Variants in GDI2 observed in about 807,000 individuals in gnomAD.
GDI2 encodes rab GDP dissociation inhibitor beta.
In GDI2, 22 loss-of-function variants were observed where a neutral mutation model predicts 54.2. The ratio of observed to expected loss-of-function variants is 0.41; its 90% confidence interval spans 0.29 to 0.58. The LOEUF is 0.58. Among genes scored for constraint, GDI2 ranks in the 20% least tolerant of loss-of-function variants. The pLI is 0.35. For synonymous variants in GDI2, 177 were observed against 182.1 expected (o/e 0.97, Z 0.23); for missense variants, 422 against 546.0 (o/e 0.77, Z 2.26).
Position 5,768,081 on chromosome 10 carries a change from A to AT in GDI2, c.991+131dup, listed in dbSNP as rs139873849. On this transcript the variant is annotated intron_variant, in intron 8 of 10. Coordinates refer to ENST00000380191, the MANE Select transcript of GDI2 (RefSeq NM_001494.4). This position sits in a 1 kb window ranked among gnomAD's most constrained non-coding sequence, Gnocchi z 4.4. The stretch of plus-strand genomic sequence containing the variant: ...TGCCGGAGCAGGAGGAGGTACAAAG[A>AT]TTTTTTTCCCCCATATGTAAACCAA... 242,015 of 679,098 alleles carry AT rather than the reference A, an allele frequency of 0.36. 44,143 individuals are homozygous for AT. Among genetic ancestry groups the AT allele is most frequent in the East Asian group, 0.37 (14,135 of 38,026 alleles). 42.1% of individuals were successfully genotyped at this position (679,098 alleles called of 1,614,324 possible).
intron 1 of GDI2, among the ~76,000 whole-genome samples, chr10:5,803,640 G>A (rs1482571127): frequency 6.6e-6 from 1 of 152,074 alleles, no homozygotes; most frequent in African/African-American, 2.4e-5. Flanking sequence ...CCTAAGCAAA[G>A]CATATAGGAC....
At position 5,768,168 on chromosome 10, in the gene GDI2, T is replaced by G. The variant is rs765803708; in HGVS notation, c.991+45A>C. The G allele has an allele frequency of 5.3e-6, 8 of 1,520,958 alleles. No homozygotes were observed. The African/African-American group carries it at 1.1e-4, about 21-fold the overall frequency. 94.2% of individuals were successfully genotyped at this position (1,520,958 alleles called of 1,614,324 possible). A position where few individuals can be genotyped will look rare whatever the true frequency, so the allele number is the denominator to read the frequency against. On this transcript the variant is annotated intron_variant, in intron 8 of 10. Coordinates refer to ENST00000380191, the MANE Select transcript of GDI2 (RefSeq NM_001494.4). This position sits in a 1 kb window ranked among gnomAD's most constrained non-coding sequence, Gnocchi z 4.4. ...TTGGGATAAAACACAAAGCAAATTA[T>G]ATCTTACAAAATTCTACCAACATCT...
At chr10:5,809,042 C>G (rs1201522670) in intron 1 of GDI2, among the ~76,000 whole-genome samples, 1 of 151,974 alleles carries the variant, frequency 6.6e-6, no homozygotes, top group Non-Finnish European at 1.5e-5. Context: ...GTTAGGAGTT[C>G]GAGACCAGCC....
Position 5,769,605 on chromosome 10 carries a change from T to C in GDI2, c.820-1221A>G, listed in dbSNP as rs180878825. On this transcript the variant is annotated intron_variant, in intron 7 of 10. Transcript: ENST00000380191. ...AAAAAAAAAAATCGAAGGACTTGAA[T>C]AGACATTTTTCCAAAGAAGATATGT... 7.2e-3 allele frequency among the ~76,000 whole-genome samples: 1,088 copies of C among 150,496 alleles called. 8 individuals are homozygous for C. Among genetic ancestry groups the C allele is most frequent in the African/African-American group, 0.025 (1,037 of 41,032 alleles).
chr10:5,813,119 A>G (rs1207380622), intron 1 of GDI2, 95 bp downstream of exon 1: 14 of 711,086 alleles, frequency 2.0e-5, no homozygotes, highest in Admixed American at 3.3e-5. Flanking sequence ...CGGCAGAACG[A>G]GACCCCCGAG....
chr10:5,774,003 TTC>T lies in GDI2; in HGVS notation c.720-64_720-63del, dbSNP rs767584119. 63 of 718,430 alleles carry T rather than the reference TTC, an allele frequency of 8.8e-5. No individual in the cohort carries two copies. Among genetic ancestry groups the T allele is most frequent in the Non-Finnish European group, 1.4e-4 (56 of 410,076 alleles). 44.5% of individuals were successfully genotyped at this position (718,430 alleles called of 1,614,324 possible). ...GTTGTTTCAACTCCTAAAGTCCCCT[TTC>T]TTAGATCTTAATGAGTTACAGACAA... On this transcript the variant is annotated intron_variant, in intron 6 of 10. Coordinates refer to ENST00000380191, the MANE Select transcript of GDI2 (RefSeq NM_001494.4). This position sits in a 1 kb window ranked among gnomAD's most constrained non-coding sequence, Gnocchi z 4.8.
intron 1 of GDI2, among the ~76,000 whole-genome samples, chr10:5,803,881 C>G (rs1320173500): frequency 3.9e-5 from 6 of 152,046 alleles, no homozygotes; most frequent in Admixed American, 3.9e-4. Context: ...CTTTATAAAT[C>G]TTTAATATTT....
intron 1 of GDI2, among the ~76,000 whole-genome samples, chr10:5,803,731 A>C (rs2131718582): frequency 6.6e-6 from 1 of 152,296 alleles, no homozygotes; most frequent in Middle Eastern, 3.4e-3. Context: ...TGAATACACT[A>C]AGACAAACCA....
chr10:5,765,602 G>A lies in GDI2; in HGVS notation c.*404C>T, dbSNP rs1460988580. On this transcript the variant is annotated 3_prime_UTR_variant, in exon 11 of 11. Coordinates refer to ENST00000380191, the MANE Select transcript of GDI2 (RefSeq NM_001494.4). ...CTTCCGGATGCTGTCCCAAACCGTG[G>A]AATATTCAATTTAGAATCTCCTGAA... 4 of 156,920 alleles carry A rather than the reference G, an allele frequency of 2.5e-5. No individual in the cohort carries two copies. The highest frequency in any genetic ancestry group is 9.6e-5 in the African/African-American group (4 of 41,582). 9.7% of individuals were successfully genotyped at this position (156,920 alleles called of 1,614,324 possible). A position where few individuals can be genotyped will look rare whatever the true frequency, so the allele number is the denominator to read the frequency against.
At chr10:5,767,454 CAG>C (rs1840374558) in intron 8 of GDI2, among the ~76,000 whole-genome samples, 1 of 152,128 alleles carries the variant, frequency 6.6e-6, no homozygotes, top group African/African-American at 2.4e-5. Flanking sequence ...GCTAGGACTA[CAG>C]GTGTGTGCCA....
chr10:5,788,298 C>T (rs1289726984), intron 4 of GDI2, among the ~76,000 whole-genome samples: 1 of 152,044 alleles, frequency 6.6e-6, no homozygotes, highest in African/African-American at 2.4e-5. Context: ...TGCACCTAGT[C>T]CCTACTAGGT....
chr10:5,790,976 G>A (rs954053859), intron 4 of GDI2, among the ~76,000 whole-genome samples: 4 of 151,920 alleles, frequency 2.6e-5, no homozygotes, highest in African/African-American at 9.7e-5. Flanking sequence ...GACAATTATA[G>A]CAAGACCCCA....
chr10:5,766,462 C>T lies in GDI2; in HGVS notation c.1136+32G>A, dbSNP rs1056930872. ...AGCCACAATCAAAGGCCTCAGTTTG[C>T]ATCTCGGCAGATATAAAAGAACACA... On this transcript the variant is annotated intron_variant, in intron 9 of 10. Transcript: ENST00000380191. This position sits in a 1 kb window ranked among gnomAD's most constrained non-coding sequence, Gnocchi z 5.8. 4 of 1,610,526 alleles carry T rather than the reference C, an allele frequency of 2.5e-6. No homozygotes were observed. The highest frequency in any genetic ancestry group is 3.4e-6 in the Non-Finnish European group (4 of 1,177,982).
chr10:5,794,348 C>T (rs145142324), intron 4 of GDI2, among the ~76,000 whole-genome samples: 108 of 150,916 alleles, frequency 7.2e-4, no homozygotes, highest in Middle Eastern at 3.4e-3. Context: ...GGTAATATAG[C>T]GTAGGGTAAG....
intron 6 of GDI2, among the ~76,000 whole-genome samples, chr10:5,781,625 C>CA (rs34913780): frequency 0.14 from 13,461 of 97,016 alleles, 994 homozygotes; most frequent in Admixed American, 0.23. Context: ...ACTCTGTCTC[C>CA]AAAAAAAAAA....
At chr10:5,782,953 CACAT>C (rs1840793864) in intron 6 of GDI2, among the ~76,000 whole-genome samples, 1 of 152,156 alleles carries the variant, frequency 6.6e-6, no homozygotes, top group African/African-American at 2.4e-5. Flanking sequence ...GAATTACTGA[CACAT>C]GCATCAATAT....
At position 5,774,199 on chromosome 10, in the gene GDI2, C is replaced by G. The variant is rs1840566670; in HGVS notation, c.720-258G>C. 6.6e-6 allele frequency among the ~76,000 whole-genome samples: 1 copy of G among 152,068 alleles called. No homozygotes were observed. Among genetic ancestry groups the G allele is most frequent in the Non-Finnish European group, 1.5e-5 (1 of 68,016 alleles). On this transcript the variant is annotated intron_variant, in intron 6 of 10. Coordinates refer to ENST00000380191, the MANE Select transcript of GDI2 (RefSeq NM_001494.4). The surrounding 1 kb of genome is among the most constrained non-coding windows in gnomAD (Gnocchi z 4.8). Reference sequence around the variant, plus strand: ...CCCACTCGGCCCTCCTCCAAGTGTACTTTCTTTCCTTCCTTTCATTCCTGC... The same window carrying G: ...CCCACTCGGCCCTCCTCCAAGTGTAGTTTCTTTCCTTCCTTTCATTCCTGC...
intron 6 of GDI2, among the ~76,000 whole-genome samples, chr10:5,782,710 G>A (rs1275277269): frequency 6.6e-6 from 1 of 152,212 alleles, no homozygotes; most frequent in Non-Finnish European, 1.5e-5. Flanking sequence ...AAGGTGGGTG[G>A]ATCACTTGAG....
intron 6 of GDI2, among the ~76,000 whole-genome samples, chr10:5,780,822 T>C (rs1840737899): frequency 6.6e-6 from 1 of 152,168 alleles, no homozygotes; most frequent in South Asian, 2.1e-4. Flanking sequence ...ATTAAGATGA[T>C]CATTTTCTCC....
Sources: allele counts gnomAD v4.1 joint callset (sites outside exome capture counted in the v4.1 genomes callset), GRCh38; gene constraint gnomAD v4.1.1; non-coding constraint Gnocchi (gnomAD v3.1); transcripts MANE v1.5; gene names NCBI Gene and HGNC (gene_info 2026-07-23, HGNC 2026-07-21).